Variants in GPD2 observed in about 807,000 individuals in gnomAD.
GPD2 encodes glycerol-3-phosphate dehydrogenase 2, also known as glycerol-3-phosphate dehydrogenase, mitochondrial.
Under a neutral mutation model 82.4 loss-of-function variants are expected in GPD2, and 54 were observed. That is an observed-to-expected ratio of 0.66 (90% CI 0.53 to 0.82). The LOEUF (loss-of-function observed/expected upper bound fraction) is 0.82, where lower values mean the gene tolerates loss of function less well. Among genes scored for constraint, GPD2 ranks in the 40% least tolerant of loss-of-function variants. The pLI, the probability that GPD2 is intolerant of heterozygous loss-of-function variation, is 0.00. For missense variants in GPD2, 748 were observed against 896.2 expected (o/e 0.83, Z 2.11); for synonymous variants, 288 against 306.1 (o/e 0.94, Z 0.62).
At chr2:156,508,285 C>G (rs1684858749) in intron 3 of GPD2, among the ~76,000 whole-genome samples, 1 of 151,950 alleles carries the variant, frequency 6.6e-6, no homozygotes, top group Non-Finnish European at 1.5e-5. Flanking sequence ...AACATGACAG[C>G]TTGCTTTACC....
At chr2:156,550,412 T>C (rs571175201) in intron 7 of GPD2, among the ~76,000 whole-genome samples, 190 bp from the exon 8 acceptor site, 2 of 152,366 alleles carry the variant, frequency 1.3e-5, no homozygotes, top group African/African-American at 4.8e-5. Context: ...AATTCCGACT[T>C]GTTTTTGGTA....
chr2:156,437,175 A>T (rs1681966856), intron 1 of GPD2, among the ~76,000 whole-genome samples: 1 of 152,212 alleles, frequency 6.6e-6, no homozygotes, highest in Non-Finnish European at 1.5e-5. Context: ...CCCAAATCAC[A>T]CACAACACAT....
At chr2:156,440,133 A>C (rs551591745) in intron 1 of GPD2, among the ~76,000 whole-genome samples, 26 of 152,310 alleles carry the variant, frequency 1.7e-4, no homozygotes, top group Admixed American at 3.3e-4. Flanking sequence ...TTGAGATAAG[A>C]AGAAAACTTG....
chr2:156,480,171 G>C (rs1573911372), intron 2 of GPD2, among the ~76,000 whole-genome samples: 1 of 152,190 alleles, frequency 6.6e-6, no homozygotes, highest in East Asian at 1.9e-4. Flanking sequence ...CAGGCTGGTG[G>C]GAGAATGGAG....
At position 156,571,145 on chromosome 2, in the gene GPD2, G is replaced by A. The variant is rs1322821438; in HGVS notation, c.1620G>A (p.Gly540=). Residue 540 remains glycine (G), a synonymous_variant, in exon 13 of 17, where the codon GGG becomes GGA. Transcript: ENST00000438166. ...TAATTCAAACTCAGGTGAAATATGG[G>A]ATTAAGGAGTATGCCTGCACTGCTG... ...FPYIEAEVKY[G]IKEYACTAVD... 1 of 1,604,602 alleles carries A rather than the reference G, an allele frequency of 6.2e-7. No homozygotes were observed. Among genetic ancestry groups the A allele is most frequent in the Non-Finnish European group, 8.5e-7 (1 of 1,171,358 alleles).
At chr2:156,433,518 C>T (rs1181391836), upstream of GPD2, among the ~76,000 whole-genome samples, 3 of 152,150 alleles carry the variant, frequency 2.0e-5, no homozygotes, top group Admixed American at 1.3e-4. Context: ...CACTGGCTTC[C>T]CCCAACCCAC....
intron 6 of GPD2, among the ~76,000 whole-genome samples, chr2:156,542,781 C>T (rs1331468870): frequency 6.6e-6 from 1 of 152,138 alleles, no homozygotes; most frequent in Admixed American, 6.6e-5. Context: ...TTAACTTGAA[C>T]ACTTTCTGTA....
intron 1 of GPD2, among the ~76,000 whole-genome samples, chr2:156,453,015 G>C (rs1682668930): frequency 6.6e-6 from 1 of 152,306 alleles, no homozygotes; most frequent in Non-Finnish European, 1.5e-5. Context: ...TGGGAAAAGA[G>C]ATTTCAAATG....
At chr2:156,459,701 A>AAAAT in intron 1 of GPD2, among the ~76,000 whole-genome samples, 1 of 149,414 alleles carries the variant, frequency 6.7e-6, no homozygotes, top group Non-Finnish European at 1.5e-5. Context: ...AAAAAAAAAA[A>AAAAT]AAAAAAAAGA....
the GPD2 span, among the ~76,000 whole-genome samples, chr2:156,412,963 G>C: frequency 6.6e-6 from 1 of 151,980 alleles, no homozygotes; most frequent in Non-Finnish European, 1.5e-5. Context: ...CTGGCATGAT[G>C]GTGTGTGTCT....
At chr2:156,432,498 T>C (rs1303853906), upstream of GPD2, among the ~76,000 whole-genome samples, 1 of 152,186 alleles carries the variant, frequency 6.6e-6, no homozygotes, top group Non-Finnish European at 1.5e-5. Flanking sequence ...AGTGAGAACA[T>C]GTGATACTTG....
At chr2:156,424,298 T>G in the GPD2 span, among the ~76,000 whole-genome samples, 1 of 152,240 alleles carries the variant, frequency 6.6e-6, no homozygotes, top group Non-Finnish European at 1.5e-5. Context: ...TAGTAATGTT[T>G]CCTGAAGACA....
intron 3 of GPD2, among the ~76,000 whole-genome samples, chr2:156,501,351 G>A (rs549989279): frequency 1.2e-4 from 18 of 152,224 alleles, no homozygotes; most frequent in African/African-American, 4.3e-4. Flanking sequence ...AGGCAGTATA[G>A]CGCAGTGATT....
chr2:156,547,113 C>T (rs1160455875), intron 6 of GPD2, among the ~76,000 whole-genome samples: 1 of 152,182 alleles, frequency 6.6e-6, no homozygotes, highest in Non-Finnish European at 1.5e-5. Flanking sequence ...GTGTCTTTCT[C>T]AGTTATATTC....
At chr2:156,420,513 A>G in the GPD2 span, among the ~76,000 whole-genome samples, 3 of 152,176 alleles carry the variant, frequency 2.0e-5, no homozygotes, top group Non-Finnish European at 2.9e-5. Context: ...TTAAAATATC[A>G]ACTAGATAAT....
chr2:156,566,257 G>A (rs1687385441), intron 9 of GPD2, among the ~76,000 whole-genome samples: 1 of 151,972 alleles, frequency 6.6e-6, no homozygotes, highest in African/African-American at 2.4e-5. Flanking sequence ...CCATTTTTAA[G>A]TGTACAGTTC....
At chr2:156,456,344 CTATAA>C (rs1682788198) in intron 1 of GPD2, among the ~76,000 whole-genome samples, 1 of 152,120 alleles carries the variant, frequency 6.6e-6, no homozygotes, top group Admixed American at 6.5e-5. Flanking sequence ...TGGCTCACAT[CTATAA>C]CCGTAGCACT....
At chr2:156,459,396 G>C (rs779984456) in intron 1 of GPD2, among the ~76,000 whole-genome samples, 9 of 152,022 alleles carry the variant, frequency 5.9e-5, no homozygotes, top group Non-Finnish European at 1.2e-4. Context: ...CCATGAAAAA[G>C]GGAATATAGG....
intron 2 of GPD2, among the ~76,000 whole-genome samples, chr2:156,478,466 G>A (rs954807968): frequency 6.6e-6 from 1 of 151,896 alleles, no homozygotes; most frequent in African/African-American, 2.4e-5. Context: ...TGTATTTGGG[G>A]GGTAGCAGGT....
Sources: allele counts gnomAD v4.1 joint callset (sites outside exome capture counted in the v4.1 genomes callset), GRCh38; gene constraint gnomAD v4.1.1; transcripts MANE v1.5; gene names NCBI Gene and HGNC (gene_info 2026-07-23, HGNC 2026-07-21).